Variants in PRKCZ observed in about 807,000 individuals in gnomAD.
PRKCZ encodes protein kinase C zeta.
Under a neutral mutation model 79.5 loss-of-function variants are expected in PRKCZ, and 33 were observed. The observed-to-expected ratio is 0.41, with a 90% CI of 0.31 to 0.55. The LOEUF (loss-of-function observed/expected upper bound fraction) is 0.55. PRKCZ is among the 20% of genes least tolerant of loss of function. The pLI, the probability that PRKCZ is intolerant of heterozygous loss-of-function variation, is 0.19. For synonymous variants in PRKCZ, 342 were observed against 320.9 expected, an observed-to-expected ratio of 1.07 and a Z score of -0.70; for missense variants, 578 against 813.5, an observed-to-expected ratio of 0.71 and a Z score of 3.52.
intron 5 of PRKCZ, among the ~76,000 whole-genome samples, chr1:2,139,307 C>T (rs770616627): frequency 2.0e-5 from 3 of 151,862 alleles, no homozygotes; most frequent in Non-Finnish European, 4.4e-5. Flanking sequence ...TAATTAAAGC[C>T]GGCCGGGCGT....
At position 2,082,585 on chromosome 1, in the gene PRKCZ, G is replaced by A. The variant is rs1221095911; in HGVS notation, c.334+22994G>A. The A allele has an allele frequency of 8.0e-6, 3 of 374,426 alleles. No homozygotes were observed. The highest frequency in any genetic ancestry group is 2.1e-5 in the African/African-American group (1 of 47,308). 23.2% of individuals were successfully genotyped at this position (374,426 alleles called of 1,614,324 possible). A position where few individuals can be genotyped will look rare whatever the true frequency, so the allele number is the denominator to read the frequency against. ...TTGTCACTCAGTCGATTTCCCTGGT[G>A]TAAATGCTCCCACCACGGCCGATTT... On this transcript the variant is annotated intron_variant, in intron 4 of 17. Transcript: ENST00000378567. The surrounding 1 kb of genome is among the most constrained non-coding windows in gnomAD (Gnocchi z 4.4).
Position 2,094,749 on chromosome 1 carries a change from C to T in PRKCZ, c.334+35158C>T, listed in dbSNP as rs995726406. Among the ~76,000 whole-genome samples the T allele has an allele frequency of 3.3e-5, 5 of 152,186 alleles. No homozygotes were observed. Among genetic ancestry groups the T allele is most frequent in the African/African-American group, 4.8e-5 (2 of 41,410 alleles). ...CCCGTTCTGAGGCGCCCGCTGTGCC[C>T]GGCTCGTTGAACCTTGGGCGCTGCC... On this transcript the variant is annotated intron_variant, in intron 4 of 17. Transcript: ENST00000378567. This position sits in a 1 kb window ranked among gnomAD's most constrained non-coding sequence, Gnocchi z 7.3.
At chr1:2,091,987 G>C (rs971975230) in intron 4 of PRKCZ, among the ~76,000 whole-genome samples, 2 of 152,098 alleles carry the variant, frequency 1.3e-5, no homozygotes, top group Non-Finnish European at 2.9e-5. Flanking sequence ...GGAAAGCGTC[G>C]TGCCAGACAG....
intron 4 of PRKCZ, among the ~76,000 whole-genome samples, chr1:2,067,470 G>T (rs1369362093): frequency 6.6e-6 from 1 of 152,216 alleles, no homozygotes; most frequent in Admixed American, 6.5e-5. Context: ...CTGGTTTTTT[G>T]GGGGAGGTGA....
intron 4 of PRKCZ, among the ~76,000 whole-genome samples, chr1:2,124,442 G>A (rs1673462965): frequency 6.6e-6 from 1 of 151,872 alleles, no homozygotes; most frequent in African/African-American, 2.4e-5. Flanking sequence ...CCCTTGTGGT[G>A]GGATTTGTGC....
intron 4 of PRKCZ, among the ~76,000 whole-genome samples, chr1:2,088,282 C>A (rs1343333727): frequency 1.3e-5 from 2 of 152,108 alleles, no homozygotes; most frequent in African/African-American, 4.8e-5. Flanking sequence ...CTCCCCCTTG[C>A]CTGGATGGTG....
At chr1:2,143,679 A>C (rs1482891754) in intron 5 of PRKCZ, 1 of 152,478 alleles carries the variant, frequency 6.6e-6, no homozygotes, top group Non-Finnish European at 1.5e-5. Flanking sequence ...AAAATCTTGA[A>C]AAATACTGAA....
intron 10 of PRKCZ, 173 bp from the exon 11 acceptor site, chr1:2,169,345 C>T (rs892433589): frequency 2.2e-5 from 15 of 677,370 alleles, no homozygotes; most frequent in African/African-American, 1.1e-4. Context: ...CCCCGCAGCC[C>T]GTCCCCACCA....
In PRKCZ at chr1:2,128,852, A is replaced by G. The variant is rs557678277; in HGVS notation, c.335-6410A>G. Among the ~76,000 whole-genome samples, 10 of 152,300 alleles carry G rather than the reference A, an allele frequency of 6.6e-5. No individual in the cohort carries two copies. The East Asian group carries it at 1.9e-3, about 29-fold the overall frequency. On this transcript the variant is annotated intron_variant, in intron 4 of 17. Coordinates refer to ENST00000378567, the MANE Select transcript of PRKCZ (RefSeq NM_002744.6). This position sits in a 1 kb window ranked among gnomAD's most constrained non-coding sequence, Gnocchi z 6.5. ...CTTTGAGACCCTGTTCCACAGAGGT[A>G]GCCGGGGGACTCGCGGTGCCAGGCC...
chr1:2,079,892 A>G (rs1163602977), intron 4 of PRKCZ, among the ~76,000 whole-genome samples: 1 of 152,038 alleles, frequency 6.6e-6, no homozygotes, highest in East Asian at 1.9e-4. Flanking sequence ...CCTGCCTGGG[A>G]GGGCCGGGCA....
At chr1:2,079,706 G>A (rs564166399) in intron 4 of PRKCZ, among the ~76,000 whole-genome samples, 5 of 152,322 alleles carry the variant, frequency 3.3e-5, no homozygotes, top group Admixed American at 2.0e-4. Context: ...TGGTGATAAC[G>A]TCTCCTTTTG....
At chr1:2,119,523 C>A (rs530227809) in intron 4 of PRKCZ, among the ~76,000 whole-genome samples, 3 of 152,214 alleles carry the variant, frequency 2.0e-5, no homozygotes, top group East Asian at 1.9e-4. Context: ...CCTAATTATT[C>A]TTCTTTCCTT....
intron 4 of PRKCZ, among the ~76,000 whole-genome samples, chr1:2,096,995 A>G (rs1356050811): frequency 1.1e-4 from 17 of 152,228 alleles, no homozygotes; most frequent in African/African-American, 2.4e-5. Flanking sequence ...CACGGGCACC[A>G]GTCCCTGTTG....
intron 17 of PRKCZ, 46 bp downstream of exon 17, chr1:2,184,744 CCCATGGCAGGCCGGCACCTTGGGCAGCT>C: frequency 6.4e-7 from 1 of 1,563,752 alleles, no homozygotes; most frequent in South Asian, 1.1e-5. Context: ...CTCGGGCAGC[CCCATGGCAGGCCGGCACCTTGGGCAGCT>C]GGTGACCCAG....
intron 4 of PRKCZ, among the ~76,000 whole-genome samples, chr1:2,099,717 C>T (rs890615712): frequency 1.3e-5 from 2 of 152,164 alleles, no homozygotes; most frequent in South Asian, 2.1e-4. Context: ...GTGAGGGCCC[C>T]TCGGGAGCCC....
chr1:2,155,485 A>T (rs995991118), intron 9 of PRKCZ, among the ~76,000 whole-genome samples: 2 of 149,124 alleles, frequency 1.3e-5, no homozygotes, highest in East Asian at 4.0e-4. Context: ...GTGGTGATGA[A>T]GGTGATGGTA....
At chr1:2,161,753 C>G (rs188626344) in intron 10 of PRKCZ, among the ~76,000 whole-genome samples, 1 of 152,068 alleles carries the variant, frequency 6.6e-6, no homozygotes, top group Admixed American at 6.5e-5. Flanking sequence ...ATGGCATCTC[C>G]CCTTCTCCAT....
intron 4 of PRKCZ, among the ~76,000 whole-genome samples, chr1:2,084,169 G>A (rs1664077082): frequency 6.6e-6 from 1 of 152,254 alleles, no homozygotes; most frequent in Non-Finnish European, 1.5e-5. Flanking sequence ...GGACCTGGGA[G>A]GCGGAGGTTG....
Position 2,075,809 on chromosome 1 carries a change from A to G in PRKCZ, c.334+16218A>G, listed in dbSNP as rs576920239. 6.6e-5 allele frequency among the ~76,000 whole-genome samples: 10 copies of G among 152,288 alleles called. No individual in the cohort carries two copies. The highest frequency in any genetic ancestry group is 3.4e-3 in the Middle Eastern group (1 of 294). On this transcript the variant is annotated intron_variant, in intron 4 of 17. Transcript: ENST00000378567. The surrounding 1 kb of genome is among the most constrained non-coding windows in gnomAD (Gnocchi z 4.8). ...TGGTGGGGACCTGCCAGGGCTGTCA[A>G]TGGCCCCAGTGGAGAGGCCCACTGA...
Sources: gnomAD v4.1 joint callset for allele counts (sites outside exome capture counted in the v4.1 genomes callset) on GRCh38, gnomAD v4.1.1 for gene constraint, Gnocchi (gnomAD v3.1) non-coding constraint, MANE v1.5 for transcripts, NCBI Gene and HGNC (gene_info 2026-07-23, HGNC 2026-07-21) for gene names.